The following ITGB3 variants were observed in gnomAD, a reference collection of about 807,000 sequenced individuals.
ITGB3 encodes integrin beta-3.
Under a neutral mutation model 85.8 loss-of-function variants are expected in ITGB3, and 48 were observed. The ratio of observed to expected loss-of-function variants is 0.56; its 90% CI spans 0.44 to 0.71. ITGB3 has a LOEUF of 0.71. Among genes scored for constraint, ITGB3 ranks in the 30% least tolerant of loss-of-function variants. ITGB3 has a pLI of 0.00. For synonymous variants in ITGB3, 363 were observed against 395.6 expected, an observed-to-expected ratio of 0.92 and a Z score of 0.98; for missense variants, 861 against 1,019.1, an observed-to-expected ratio of 0.84 and a Z score of 2.11.
intron 2 of ITGB3, among the ~76,000 whole-genome samples, chr17:47,279,116 G>A (rs2065074293): frequency 6.6e-6 from 1 of 152,186 alleles, no homozygotes; most frequent in Non-Finnish European, 1.5e-5. Flanking sequence ...TTTCCAAAAT[G>A]GGATTAATGG....
At chr17:47,263,339 G>A (rs1327801691) in intron 1 of ITGB3, among the ~76,000 whole-genome samples, 1 of 152,130 alleles carries the variant, frequency 6.6e-6, no homozygotes, top group African/African-American at 2.4e-5. Context: ...CAGACATAAT[G>A]TGGCTTCATT....
intron 1 of ITGB3, among the ~76,000 whole-genome samples, chr17:47,271,487 G>A (rs1567761064): frequency 6.6e-6 from 1 of 152,216 alleles, no homozygotes; most frequent in Admixed American, 6.5e-5. Flanking sequence ...AAGGAATGCT[G>A]AAATGAATTA....
chr17:47,280,435 C>T (rs977336969), intron 2 of ITGB3, among the ~76,000 whole-genome samples: 1 of 152,204 alleles, frequency 6.6e-6, no homozygotes, highest in African/African-American at 2.4e-5. Flanking sequence ...TGGCTCACTG[C>T]AACCTCCGCC....
intron 13 of ITGB3, 76 bp from the exon 14 acceptor site, chr17:47,307,395 A>G (rs2065192566): frequency 1.5e-5 from 23 of 1,542,476 alleles, no homozygotes; most frequent in Non-Finnish European, 1.9e-5. Flanking sequence ...CTTTGTCAAG[A>G]ACACCTTTTT....
At chr17:47,265,476 A>T (rs1036492592) in intron 1 of ITGB3, among the ~76,000 whole-genome samples, 18 of 152,052 alleles carry the variant, frequency 1.2e-4, no homozygotes, top group Non-Finnish European at 2.2e-4. Flanking sequence ...GGTGTTCCTT[A>T]GTTTCTGGCT....
intron 6 of ITGB3, among the ~76,000 whole-genome samples, chr17:47,288,202 TAGAA>T (rs1295906826): frequency 1.5e-4 from 19 of 125,180 alleles, no homozygotes; most frequent in Middle Eastern, 9.8e-3. Flanking sequence ...CCCCTTCTCT[TAGAA>T]AGAGAGAGAG....
In ITGB3 at chr17:47,258,662, C is replaced by T. The variant is rs368043240; in HGVS notation, c.79+4722C>T. Among the ~76,000 whole-genome samples, 19 of 152,132 alleles carry T rather than the reference C, an allele frequency of 1.2e-4. 1 individual carries two copies. Among genetic ancestry groups the T allele is most frequent in the Admixed American group, 1.1e-3 (17 of 15,268 alleles). On this transcript the variant is annotated intron_variant, in intron 1 of 14. Transcript: ENST00000559488. ...CTCACCATATTGCCCAGGCTGGTCT[C>T]GAACTTCTGAGCTCAGGCAATCTGC... is the stretch of plus-strand genomic sequence containing the variant.
At position 47,289,781 on chromosome 17, in the gene ITGB3, C is replaced by T. The variant is rs755019057; in HGVS notation, c.1035+5C>T. ...AATGTAGTCAATCTCTATCAGGTGA[C>T]TGTGCCTTCGGGCTTCCTGGAGTGG... On this transcript the variant is annotated splice_donor_5th_base_variant and intron_variant, in intron 7 of 14. Coordinates refer to ENST00000559488, the MANE Select transcript of ITGB3 (RefSeq NM_000212.3). 5 of 1,611,130 alleles carry T rather than the reference C, an allele frequency of 3.1e-6. No homozygotes were observed. In the Admixed American group the frequency reaches 6.7e-5, roughly 21 times the overall value.
rs2143106848 is a variant in ITGB3, at chr17:47,290,165, A to G, written c.1036-20A>G. On this transcript the variant is annotated intron_variant, in intron 7 of 14. Transcript: ENST00000559488. Reference sequence around the variant, plus strand: ...CAGCTTCCTTTGGTAAGCTCTGGACATCTTTGTTTTCCTTTCTAGAACTAT... The same window carrying G: ...CAGCTTCCTTTGGTAAGCTCTGGACGTCTTTGTTTTCCTTTCTAGAACTAT... 6.3e-7 allele frequency: 1 copy of G among 1,598,992 alleles called. No individual in the cohort carries two copies. The highest frequency in any genetic ancestry group is 8.6e-7 in the Non-Finnish European group (1 of 1,166,280).
At chr17:47,284,348 G>C in intron 3 of ITGB3, 95 bp from the exon 4 acceptor site, 2 of 1,484,466 alleles carry the variant, frequency 1.3e-6, no homozygotes, top group Admixed American at 3.4e-5. Context: ...GGTTTGCTTT[G>C]ATCATGCAAT....
intron 6 of ITGB3, among the ~76,000 whole-genome samples, chr17:47,288,253 G>C (rs1348738707): frequency 1.4e-5 from 2 of 148,116 alleles, no homozygotes; most frequent in Non-Finnish European, 3.0e-5. Flanking sequence ...AGAGGGGAAA[G>C]AACATAAAAG....
At chr17:47,300,456 C>CA (rs1567768987) in intron 11 of ITGB3, 22 bp from the exon 12 acceptor site, 1 of 1,584,850 alleles carries the variant, frequency 6.3e-7, no homozygotes, top group Non-Finnish European at 8.7e-7. Context: ...TTGCCTTAAT[C>CA]ACTGTGTCCT....
Position 47,287,057 on chromosome 17 carries a change from T to C in ITGB3, c.778-13T>C. On this transcript the variant is annotated splice_polypyrimidine_tract_variant and intron_variant, in intron 5 of 14. Transcript: ENST00000559488. Reference sequence around the variant, plus strand: ...TGTCTCCTCTGCCTTTGTTTTTTGTTTTCTTTTAACAGGAAAAGATTGGCT... The same window carrying C: ...TGTCTCCTCTGCCTTTGTTTTTTGTCTTCTTTTAACAGGAAAAGATTGGCT... 1 of 1,613,506 alleles carries C rather than the reference T, an allele frequency of 6.2e-7. No homozygotes were observed. Among genetic ancestry groups the C allele is most frequent in the Non-Finnish European group, 8.5e-7 (1 of 1,179,902 alleles).
chr17:47,258,483 A>G (rs1285524452), intron 1 of ITGB3, among the ~76,000 whole-genome samples: 1 of 152,036 alleles, frequency 6.6e-6, no homozygotes, highest in Admixed American at 6.6e-5. Context: ...GTACAGTAAA[A>G]TTCACCCTTT....
At chr17:47,283,140 C>G (rs963980349) in intron 2 of ITGB3, among the ~76,000 whole-genome samples, 8 of 151,682 alleles carry the variant, frequency 5.3e-5, no homozygotes, top group African/African-American at 1.9e-4. Flanking sequence ...CTCTTGGCCT[C>G]AAGCAGTCCT....
Position 47,313,400 on chromosome 17 carries a change from G to A in ITGB3, c.*3196G>A, listed in dbSNP as rs1463396418. Among the ~76,000 whole-genome samples, 1 of 141,646 alleles carries A rather than the reference G, an allele frequency of 7.1e-6. No individual in the cohort carries two copies. Among genetic ancestry groups the A allele is most frequent in the Non-Finnish European group, 1.5e-5 (1 of 66,164 alleles). 92.9% of individuals were successfully genotyped at this position (141,646 alleles called of 152,430 possible). On this transcript the variant is annotated 3_prime_UTR_variant, in exon 15 of 15. Coordinates refer to ENST00000559488, the MANE Select transcript of ITGB3 (RefSeq NM_000212.3). ...CTTGCTCTATCACCCAGGCTGGAGTGCAGTGGCACGATCTCTGCTCACTGC... is the reference window on the plus strand; with the variant it reads ...CTTGCTCTATCACCCAGGCTGGAGTACAGTGGCACGATCTCTGCTCACTGC...
chr17:47,271,794 G>C (rs141480826), intron 1 of ITGB3, among the ~76,000 whole-genome samples: 2 of 152,102 alleles, frequency 1.3e-5, no homozygotes, highest in East Asian at 3.9e-4. Context: ...TTGCCCAGGT[G>C]GAGTGCAGTG....
chr17:47,277,769 C>T (rs1184042838), intron 2 of ITGB3, among the ~76,000 whole-genome samples: 1 of 152,186 alleles, frequency 6.6e-6, no homozygotes, highest in Non-Finnish European at 1.5e-5. Context: ...CTTAGCCTGA[C>T]AACCAAGGGT....
chr17:47,284,007 C>T (rs1466218510), intron 3 of ITGB3, among the ~76,000 whole-genome samples: 2 of 152,284 alleles, frequency 1.3e-5, no homozygotes, highest in East Asian at 3.9e-4. Context: ...AAGGGTTAGA[C>T]TAAAGACAGA....
Sources: gnomAD v4.1 joint callset for allele counts (sites outside exome capture counted in the v4.1 genomes callset) on GRCh38, gnomAD v4.1.1 for gene constraint, MANE v1.5 for transcripts, NCBI Gene and HGNC (gene_info 2026-07-23, HGNC 2026-07-21) for gene names.